The following TTC31 variants were observed in gnomAD, a reference collection of about 807,000 sequenced individuals.
TTC31 encodes tetratricopeptide repeat domain 31, also known as tetratricopeptide repeat protein 31.
TTC31 carries 59 observed loss-of-function variants against 60.4 expected under a neutral mutation model. The observed-to-expected ratio is 0.98, with a 90% CI of 0.79 to 1.21. The LOEUF (loss-of-function observed/expected upper bound fraction) is 1.21. Among genes scored for constraint, TTC31 ranks in the 50% most tolerant of loss-of-function variants. The probability of loss-of-function intolerance (pLI) is 0.00; values close to 1 mark genes in which losing one functional copy is unlikely to be tolerated. For missense variants in TTC31, 672 were observed against 646.9 expected (o/e 1.04, Z -0.42); for synonymous variants, 225 against 249.6 (o/e 0.90, Z 0.93).
intron 4 of TTC31, 40 bp downstream of exon 4, chr2:74,490,513 TC>T (rs1673723273): frequency 6.4e-7 from 1 of 1,557,714 alleles, no homozygotes. Flanking sequence ...CCCCCAGGGT[TC>T]TTTCAATCCC....
rs780787730 is a variant in TTC31, at chr2:74,491,522, G to A, written c.726G>A (p.Leu242=). The change falls in exon 8 of 13, where the codon TTG becomes TTA. Residue 242 remains leucine, a synonymous_variant. Transcript: ENST00000233623. ...CTAGCACTTTTGTGTCTCTGGCTTT[G>A]CGCAAGGTTGGGGATTGGCCCCTCA... ...DLSSTFVSLA[L]RKVGDWPLSA... 1.2e-6 allele frequency: 2 copies of A among 1,610,230 alleles called. No individual in the cohort carries two copies. The highest frequency in any genetic ancestry group is 1.4e-5 in the African/African-American group (1 of 73,790).
chr2:74,490,865 C>G (rs1458618753), intron 5 of TTC31, 126 bp downstream of exon 5: 1 of 1,052,276 alleles, frequency 9.5e-7, no homozygotes, highest in Non-Finnish European at 1.4e-6. Context: ...CAGGAGGACA[C>G]AAGGGGCCCA....
Position 74,493,318 on chromosome 2 carries a change from T to G in TTC31, c.*100T>G. ...CTGCATATTTTGAGACCTTATTCTC[T>G]AGATCCATAGTTAATGATGCCCTGG... On this transcript the variant is annotated 3_prime_UTR_variant, in exon 13 of 13. Transcript: ENST00000233623. 2.1e-5 allele frequency: 26 copies of G among 1,230,026 alleles called. No homozygotes were observed. The highest frequency in any genetic ancestry group is 2.8e-5 in the Non-Finnish European group (25 of 891,754). The allele number at this position is 1,230,026 out of a possible 1,614,324, so 76.2% of individuals were successfully genotyped here. A position where few individuals can be genotyped will look rare whatever the true frequency, so the allele number is the denominator to read the frequency against.
Position 74,483,095 on chromosome 2 carries a change from G to T in TTC31, c.-1G>T, listed in dbSNP as rs1379308810. On this transcript the variant is annotated 5_prime_UTR_variant, in exon 1 of 13. Coordinates refer to ENST00000233623, the MANE Select transcript of TTC31 (RefSeq NM_022492.6). ...TTCATTTCCGGGTCACTGTAGATGC[G>T]ATGGCGCCGATTCCAAAGACTGTGG... 1.6e-5 allele frequency: 26 copies of T among 1,614,092 alleles called. No homozygotes were observed. The highest frequency in any genetic ancestry group is 2.2e-5 in the Non-Finnish European group (26 of 1,180,044).
rs763986714 is a variant in TTC31, at chr2:74,490,105, G to A, written c.210G>A (p.Gly70=). The A allele has an allele frequency of 6.3e-7, 1 of 1,594,064 alleles. No homozygotes were observed. The highest frequency in any genetic ancestry group is 1.1e-5 in the South Asian group (1 of 88,920). ...LHRIHVDGSS[G]RLQLWHHDYL... is the part of the protein sequence containing the mutation. ...GGATCCATGTGGATGGGAGCAGCGG[G>A]CGGCTGCAGCTGTGGCACCATGGTG... The change falls in exon 3 of 13, where the codon GGG becomes GGA. Residue 70 remains glycine, a synonymous_variant. Transcript: ENST00000233623.
Position 74,492,321 on chromosome 2 carries a change from C to A in TTC31, c.1037C>A (p.Ser346Tyr), listed in dbSNP as rs1300598775. ...PQDHRLFGNR[S>Y]FCHERLGQPA... ...TTTATCAGGTTATTTGGAAATCGTT[C>A]CTTCTGCCATGAGCGGTTGGGTCAG... Residue 346 changes from serine (S) to tyrosine (Y), a missense_variant, in exon 11 of 13, where the codon TCC (serine) becomes TAC (tyrosine). Physicochemically the swap from Ser to Tyr is moderately radical, Grantham distance 144. Coordinates refer to ENST00000233623, the MANE Select transcript of TTC31 (RefSeq NM_022492.6). The A allele has an allele frequency of 6.3e-7, 1 of 1,590,066 alleles. No individual in the cohort carries two copies. Among genetic ancestry groups the A allele is most frequent in the Admixed American group, 1.7e-5 (1 of 58,238 alleles).
chr2:74,489,985 C>T (rs1332989103), intron 2 of TTC31, 40 bp from the exon 3 acceptor site: 4 of 1,436,434 alleles, frequency 2.8e-6, no homozygotes, highest in South Asian at 1.2e-5. Flanking sequence ...CAGGAACTGC[C>T]CCCAACACCA....
At chr2:74,491,852 A>C in intron 8 of TTC31, 152 bp from the exon 9 acceptor site, 1 of 1,439,362 alleles carries the variant, frequency 6.9e-7, no homozygotes, top group East Asian at 2.4e-5. Context: ...TTTCCTGTCT[A>C]GGAAGATAGG....
intron 4 of TTC31, 47 bp from the exon 5 acceptor site, chr2:74,490,609 A>G: frequency 6.3e-7 from 1 of 1,597,914 alleles, no homozygotes; most frequent in African/African-American, 1.3e-5. Context: ...TTTGCTCTCC[A>G]TTTCCCTGTT....
chr2:74,489,670 G>A (rs374440169), intron 2 of TTC31, among the ~76,000 whole-genome samples: 1 of 152,180 alleles, frequency 6.6e-6, no homozygotes, highest in Non-Finnish European at 1.5e-5. Flanking sequence ...TCATACTGCA[G>A]ATATGACAGG....
In TTC31 at chr2:74,492,444, A is replaced by G. The variant is rs956216267; in HGVS notation, c.1160A>G (p.Gln387Arg). ...FRLGKALMGL[Q>R]RFREAAAVFQ... ...CTGGGCAAGGCCTTGATGGGACTAC[A>G]GGTAATAGGTCTGGGGCTGGAAACA... is the stretch of plus-strand genomic sequence containing the variant. The change falls in exon 11 of 13, where the codon CAG (glutamine) becomes CGG (arginine). Residue 387 changes from glutamine (Q) to arginine (R), a missense_variant and splice_region_variant. Coordinates refer to ENST00000233623, the MANE Select transcript of TTC31 (RefSeq NM_022492.6). 19 of 1,522,324 alleles carry G rather than the reference A, an allele frequency of 1.2e-5. No homozygotes were observed. Among genetic ancestry groups the G allele is most frequent in the African/African-American group, 7.0e-5 (5 of 71,810 alleles). The allele number at this position is 1,522,324 out of a possible 1,614,324, so 94.3% of individuals were successfully genotyped here. A position where few individuals can be genotyped will look rare whatever the true frequency, so the allele number is the denominator to read the frequency against.
chr2:74,488,521 C>T (rs529350376), intron 2 of TTC31, among the ~76,000 whole-genome samples: 1 of 152,342 alleles, frequency 6.6e-6, no homozygotes, highest in South Asian at 2.1e-4. Context: ...ATCAGGACCA[C>T]AGAATGTGTG....
intron 2 of TTC31, among the ~76,000 whole-genome samples, chr2:74,486,533 G>T (rs1255277673): frequency 1.3e-5 from 2 of 152,194 alleles, no homozygotes; most frequent in Non-Finnish European, 2.9e-5. Flanking sequence ...AACATGAGAA[G>T]TACAAAGAAA....
At chr2:74,485,079 T>G (rs913461573) in intron 2 of TTC31, among the ~76,000 whole-genome samples, 1 of 148,306 alleles carries the variant, frequency 6.7e-6, no homozygotes, top group African/African-American at 2.5e-5. Context: ...CAGGCTGGAG[T>G]GCAGTGGCGC....
Position 74,491,543 on chromosome 2 carries a change from C to T in TTC31, c.747C>T (p.Pro249=), listed in dbSNP as rs1440740916. ...SLALRKVGDW[P]LSARREKGLN... is the part of the protein sequence containing the mutation. ...CTTTGCGCAAGGTTGGGGATTGGCCCCTCAGTGCCCGCAGAGAGAAGGGAC... is the reference window on the plus strand; with the variant it reads ...CTTTGCGCAAGGTTGGGGATTGGCCTCTCAGTGCCCGCAGAGAGAAGGGAC... Residue 249 remains proline (P), a synonymous_variant, in exon 8 of 13, where the codon CCC becomes CCT. Coordinates refer to ENST00000233623, the MANE Select transcript of TTC31 (RefSeq NM_022492.6). 1 of 1,614,134 alleles carries T rather than the reference C, an allele frequency of 6.2e-7. No individual in the cohort carries two copies. Among genetic ancestry groups the T allele is most frequent in the Admixed American group, 1.7e-5 (1 of 60,020 alleles).
intron 5 of TTC31, 147 bp downstream of exon 5, chr2:74,490,886 GGTCT>G (rs1673785496): frequency 1.1e-6 from 1 of 945,882 alleles, no homozygotes; most frequent in Non-Finnish European, 1.6e-6. Flanking sequence ...GGGACTGGGG[GGTCT>G]CTCACAGGCC....
intron 7 of TTC31, 45 bp downstream of exon 7, chr2:74,491,420 C>T: frequency 6.2e-7 from 1 of 1,613,936 alleles, no homozygotes; most frequent in Non-Finnish European, 8.5e-7. Flanking sequence ...TCATTTTCCT[C>T]CTCCTCCTCC....
At chr2:74,492,551 G>T in intron 11 of TTC31, 95 bp from the exon 12 acceptor site, 2 of 1,551,696 alleles carry the variant, frequency 1.3e-6, no homozygotes, top group Admixed American at 1.9e-5. Flanking sequence ...GTGTCACAAT[G>T]GTTGTGGTAC....
Position 74,491,386 on chromosome 2 carries a change from C to CT in TTC31, c.684+17dup, listed in dbSNP as rs1362271997. 1 of 1,614,174 alleles carries CT rather than the reference C, an allele frequency of 6.2e-7. No homozygotes were observed. Among genetic ancestry groups the CT allele is most frequent in the South Asian group, 1.1e-5 (1 of 91,090 alleles). On this transcript the variant is annotated intron_variant, in intron 7 of 12. Coordinates refer to ENST00000233623, the MANE Select transcript of TTC31 (RefSeq NM_022492.6). The stretch of plus-strand genomic sequence containing the variant: ...TGTGGTGAAGAAGAGGTGAGAGCCC[C>CT]TTTTTTCCCTTCTTGGTCTCTGCTC...
Sources: allele counts gnomAD v4.1 joint callset (sites outside exome capture counted in the v4.1 genomes callset), GRCh38; gene constraint gnomAD v4.1.1; transcripts MANE v1.5; gene names NCBI Gene and HGNC (gene_info 2026-07-23, HGNC 2026-07-21).